Variants in MGAT4C observed in about 807,000 individuals in gnomAD.
MGAT4C encodes MGAT4 family member C, also known as alpha-1,3-mannosyl-glycoprotein 4-beta-N-acetylglucosaminyltransferase C.
Under a neutral mutation model 40.1 loss-of-function variants are expected in MGAT4C, and 19 were observed. The ratio of observed to expected loss-of-function variants is 0.47; its 90% CI spans 0.33 to 0.70. The LOEUF is 0.70. MGAT4C is among the 30% of genes least tolerant of loss of function. MGAT4C has a pLI of 0.02. For missense variants in MGAT4C, 491 were observed against 563.2 expected (o/e 0.87, Z 1.30); for synonymous variants, 181 against 187.1 (o/e 0.97, Z 0.27).
intron 2 of MGAT4C, among the ~76,000 whole-genome samples, chr12:86,674,250 T>A (rs983887224): frequency 1.3e-5 from 2 of 152,222 alleles, no homozygotes; most frequent in Non-Finnish European, 2.9e-5. Flanking sequence ...TATTTTCTAA[T>A]ATTATCAAAT....
chr12:86,056,339 C>A (rs375039952), intron 1 of MGAT4C, among the ~76,000 whole-genome samples: 100 of 152,286 alleles, frequency 6.6e-4, no homozygotes, highest in African/African-American at 2.4e-3. Context: ...CACCCATTAA[C>A]TTGTCATGTA....
intron 1 of MGAT4C, among the ~76,000 whole-genome samples, chr12:86,084,240 G>A (rs151093465): frequency 2.6e-5 from 4 of 152,126 alleles, no homozygotes; most frequent in East Asian, 3.9e-4. Flanking sequence ...TTTGGGCAAG[G>A]GTTTAGAACC....
At chr12:86,667,738 CTTATGA>C (rs1007809978) in intron 2 of MGAT4C, among the ~76,000 whole-genome samples, 47 of 152,208 alleles carry the variant, frequency 3.1e-4, no homozygotes, top group African/African-American at 1.1e-3. Flanking sequence ...ATATGATTTT[CTTATGA>C]TTATATTTCC....
chr12:86,784,668 GAA>G (rs1208171300), intron 1 of MGAT4C, among the ~76,000 whole-genome samples: 2 of 134,994 alleles, frequency 1.5e-5, no homozygotes, highest in Admixed American at 7.4e-5. Context: ...GTAGGTAAAA[GAA>G]AAAAAAAAAG....
At chr12:86,616,997 C>CA (rs571086109) in intron 2 of MGAT4C, among the ~76,000 whole-genome samples, 56 of 149,468 alleles carry the variant, frequency 3.7e-4, no homozygotes, top group South Asian at 2.1e-3. Context: ...TCGTATCTAG[C>CA]AAAAAAAAAT....
At chr12:85,991,308 A>C (rs546566206) in intron 2 of MGAT4C, among the ~76,000 whole-genome samples, 1 of 152,250 alleles carries the variant, frequency 6.6e-6, no homozygotes, top group South Asian at 2.1e-4. Context: ...TATGGGCCTC[A>C]GAGAGGAGGA....
intron 2 of MGAT4C, among the ~76,000 whole-genome samples, chr12:86,450,652 G>C (rs990475795): frequency 6.6e-6 from 1 of 151,922 alleles, no homozygotes; most frequent in African/African-American, 2.4e-5. Flanking sequence ...TTGGGCTTAA[G>C]ATCCTTGGAA....
chr12:86,675,717 A>G (rs1024538183), intron 2 of MGAT4C, among the ~76,000 whole-genome samples: 7 of 152,160 alleles, frequency 4.6e-5, no homozygotes, highest in Admixed American at 3.3e-4. Flanking sequence ...ATAGATGTAC[A>G]TATGTTGGGG....
intron 1 of MGAT4C, among the ~76,000 whole-genome samples, chr12:86,097,686 C>G (rs1874196224): frequency 6.6e-6 from 1 of 151,496 alleles, no homozygotes; most frequent in African/African-American, 2.4e-5. Flanking sequence ...AGGAAAGAAA[C>G]TACATAGGTG....
At chr12:86,763,975 C>A (rs577754215) in intron 1 of MGAT4C, among the ~76,000 whole-genome samples, 1 of 152,114 alleles carries the variant, frequency 6.6e-6, no homozygotes, top group Non-Finnish European at 1.5e-5. Context: ...ATCTGAGGTA[C>A]CGGGTTCATA....
At chr12:86,779,312 A>C (rs1274317475) in intron 1 of MGAT4C, among the ~76,000 whole-genome samples, 2 of 152,118 alleles carry the variant, frequency 1.3e-5, no homozygotes, top group Admixed American at 6.6e-5. Flanking sequence ...GAAATCATCA[A>C]GGAAGGGCAT....
chr12:86,664,336 T>A (rs2136553421), intron 2 of MGAT4C, among the ~76,000 whole-genome samples: 1 of 152,274 alleles, frequency 6.6e-6, no homozygotes, highest in African/African-American at 2.4e-5. Flanking sequence ...GGATTCCTTC[T>A]GTCTCTTTTC....
chr12:86,630,025 AAG>A (rs1962975923), intron 2 of MGAT4C, among the ~76,000 whole-genome samples: 1 of 152,288 alleles, frequency 6.6e-6, no homozygotes, highest in South Asian at 2.1e-4. Context: ...TAAAGAAGAA[AAG>A]AGAGAAGAAT....
rs11103937 is a variant in MGAT4C, at chr12:86,352,266, G to A, written c.-119-18139C>T. Among the ~76,000 whole-genome samples the A allele has an allele frequency of 8.1e-3, 1,238 of 152,096 alleles. 25 individuals carry two copies. The highest frequency in any genetic ancestry group is 0.029 in the African/African-American group (1,186 of 41,534). On this transcript the variant is annotated intron_variant, in intron 3 of 7. Transcript: ENST00000548651. ...TAAAACAGTGGCTTAAACATGGCAAGTTATTGATAAATACTTACTGATTAA... is the reference window on the plus strand; with the variant it reads ...TAAAACAGTGGCTTAAACATGGCAAATTATTGATAAATACTTACTGATTAA...
chr12:86,546,983 A>C (rs1019748120), intron 2 of MGAT4C, among the ~76,000 whole-genome samples: 4 of 151,960 alleles, frequency 2.6e-5, no homozygotes, highest in African/African-American at 7.2e-5. Flanking sequence ...TTAATAAATA[A>C]AAAGAATTTA....
chr12:86,775,158 C>A (rs1232785596), intron 1 of MGAT4C, among the ~76,000 whole-genome samples: 1 of 152,112 alleles, frequency 6.6e-6, no homozygotes, highest in Non-Finnish European at 1.5e-5. Flanking sequence ...CAGGCACAGA[C>A]ACAATCTCTC....
intron 3 of MGAT4C, among the ~76,000 whole-genome samples, chr12:86,394,706 G>A (rs550193048): frequency 2.0e-5 from 3 of 146,342 alleles, no homozygotes; most frequent in Non-Finnish European, 3.0e-5. Context: ...TGCAACCTCC[G>A]CCTCTCGGGT....
chr12:86,098,205 C>G (rs2135589117), intron 1 of MGAT4C, among the ~76,000 whole-genome samples: 1 of 151,714 alleles, frequency 6.6e-6, no homozygotes, highest in South Asian at 2.1e-4. Flanking sequence ...AGTTTATTGT[C>G]CTTCATCCTC....
intron 1 of MGAT4C, among the ~76,000 whole-genome samples, chr12:86,764,074 A>C (rs527764933): frequency 6.6e-6 from 1 of 152,126 alleles, no homozygotes; most frequent in East Asian, 1.9e-4. Flanking sequence ...GCCTCACTCC[A>C]GAAGCGCAAG....
Sources: gnomAD v4.1 joint callset for allele counts (sites outside exome capture counted in the v4.1 genomes callset) on GRCh38, gnomAD v4.1.1 for gene constraint, MANE v1.5 for transcripts, NCBI Gene and HGNC (gene_info 2026-07-23, HGNC 2026-07-21) for gene names.